The following VPS45 variants were observed in gnomAD, a reference collection of about 807,000 sequenced individuals.
The protein encoded by VPS45 is vacuolar protein sorting-associated protein 45.
In VPS45, 35 loss-of-function variants were observed where a neutral mutation model predicts 75.9. The ratio of observed to expected loss-of-function variants is 0.46; its 90% CI spans 0.35 to 0.61. VPS45 has a LOEUF of 0.61. Ranked by LOEUF, VPS45 falls within the 20% of genes least tolerant of loss-of-function variation. The probability of loss-of-function intolerance (pLI) is 0.00; values close to 1 mark genes in which losing one functional copy is unlikely to be tolerated. For missense variants in VPS45, 559 were observed against 685.9 expected, an observed-to-expected ratio of 0.81 and a Z score of 2.07; for synonymous variants, 220 against 238.2, an observed-to-expected ratio of 0.92 and a Z score of 0.70.
chr1:150,091,270 G>A (rs1656311036), intron 10 of VPS45, among the ~76,000 whole-genome samples: 1 of 152,160 alleles, frequency 6.6e-6, no homozygotes, highest in Non-Finnish European at 1.5e-5. Flanking sequence ...AAAAGTATTT[G>A]TTGACTTGAA....
intron 3 of VPS45, among the ~76,000 whole-genome samples, chr1:150,072,687 T>G (rs1041502277): frequency 1.3e-5 from 2 of 150,530 alleles, no homozygotes; most frequent in African/African-American, 4.9e-5. Flanking sequence ...TGACCAATAT[T>G]CTGTTTCAGA....
At chr1:150,120,094 G>A (rs936475998) in intron 14 of VPS45, among the ~76,000 whole-genome samples, 1 of 113,284 alleles carries the variant, frequency 8.8e-6, no homozygotes, top group Non-Finnish European at 1.8e-5. Context: ...GGCAACAAGA[G>A]TGAAACTCCA....
chr1:150,115,330 C>G (rs924543484), intron 14 of VPS45, among the ~76,000 whole-genome samples: 4 of 152,146 alleles, frequency 2.6e-5, no homozygotes, highest in Admixed American at 6.5e-5. Context: ...AATTTGTCTA[C>G]TAAGTCCACT....
chr1:150,124,711 G>A (rs951233278), intron 14 of VPS45, among the ~76,000 whole-genome samples: 1 of 72,938 alleles, frequency 1.4e-5, no homozygotes, highest in Non-Finnish European at 2.4e-5. Flanking sequence ...CATCACACCT[G>A]GCTAATTTTT....
At chr1:150,116,290 G>A (rs1464882983) in intron 14 of VPS45, among the ~76,000 whole-genome samples, 1 of 152,174 alleles carries the variant, frequency 6.6e-6, no homozygotes, top group South Asian at 2.1e-4. Flanking sequence ...TTTGAGCACA[G>A]AAGTGACATA....
intron 14 of VPS45, among the ~76,000 whole-genome samples, chr1:150,141,334 T>C (rs1164830604): frequency 2.0e-5 from 3 of 152,234 alleles, no homozygotes; most frequent in African/African-American, 7.2e-5. Flanking sequence ...GAAATTCACA[T>C]GTAATTTTTA....
Position 150,082,345 on chromosome 1 carries a change from A to G in VPS45, c.936+348A>G, listed in dbSNP as rs1655761239. 3.9e-5 allele frequency among the ~76,000 whole-genome samples: 6 copies of G among 152,126 alleles called. 1 individual carries two copies. In the South Asian group the frequency reaches 1.2e-3, roughly 32 times the overall value. On this transcript the variant is annotated intron_variant, in intron 9 of 14. Coordinates refer to ENST00000644510, the MANE Select transcript of VPS45 (RefSeq NM_007259.5). ...AACATGGTGAAACCCCGTCTCTACT[A>G]AAAATACAAAATTAGCCAGGTGTGG...
At chr1:150,088,723 C>G (rs1656162273) in intron 10 of VPS45, among the ~76,000 whole-genome samples, 1 of 152,036 alleles carries the variant, frequency 6.6e-6, no homozygotes, top group South Asian at 2.1e-4. Context: ...AAGCAGTCCA[C>G]CTGCATCGGC....
chr1:150,109,507 G>A (rs1437099018), intron 13 of VPS45: 2 of 152,080 alleles, frequency 1.3e-5, no homozygotes, highest in Non-Finnish European at 2.9e-5. Flanking sequence ...TGTAGGGTTG[G>A]GGTTTTTTTC....
chr1:150,093,138 G>A (rs587599208), intron 12 of VPS45, among the ~76,000 whole-genome samples: 1 of 152,076 alleles, frequency 6.6e-6, no homozygotes, highest in South Asian at 2.1e-4. Context: ...GAGCCACCGC[G>A]CCCGGCAGCC....
At chr1:150,098,917 C>T in intron 13 of VPS45, 2 of 1,235,472 alleles carry the variant, frequency 1.6e-6, no homozygotes, top group Non-Finnish European at 2.1e-6. Context: ...GCTATATGAT[C>T]ATGCATTCCA....
chr1:150,095,195 A>T (rs2101573600), intron 13 of VPS45, among the ~76,000 whole-genome samples: 2 of 152,360 alleles, frequency 1.3e-5, no homozygotes, highest in East Asian at 3.9e-4. Context: ...TATAATTTTA[A>T]TAAGTGCTAT....
chr1:150,112,443 A>G (rs1657695761), intron 14 of VPS45, among the ~76,000 whole-genome samples: 5 of 152,210 alleles, frequency 3.3e-5, no homozygotes, highest in Admixed American at 2.6e-4. Context: ...TGATATCTTT[A>G]CAGTCTATCA....
At position 150,145,077 on chromosome 1, in the gene VPS45, G is replaced by A. The variant is rs1166265309; in HGVS notation, c.*281G>A. On this transcript the variant is annotated 3_prime_UTR_variant, in exon 15 of 15. Transcript: ENST00000644510. Reference sequence around the variant, plus strand: ...TGAATTTTGTTGGGATCTGACTTGGGGAAAGGGTTATCAGAGCCTAGAGGG... The same window carrying A: ...TGAATTTTGTTGGGATCTGACTTGGAGAAAGGGTTATCAGAGCCTAGAGGG... 9.4e-6 allele frequency: 7 copies of A among 746,292 alleles called. No individual in the cohort carries two copies. Among genetic ancestry groups the A allele is most frequent in the Admixed American group, 5.6e-5 (2 of 35,998 alleles). The allele number at this position is 746,292 out of a possible 1,614,324, so 46.2% of individuals were successfully genotyped here.
intron 14 of VPS45, among the ~76,000 whole-genome samples, chr1:150,125,402 C>T (rs1197401490): frequency 6.7e-6 from 1 of 149,896 alleles, no homozygotes; most frequent in Non-Finnish European, 1.5e-5. Context: ...TACATGTGCA[C>T]AATGTGCAGG....
In VPS45 at chr1:150,110,576, C is replaced by G; in HGVS notation, c.1574C>G (p.Thr525Ser). Residue 525 changes from threonine (T) to serine (S), a missense_variant, in exon 14 of 15, where the codon ACT becomes AGT. Coordinates refer to ENST00000644510, the MANE Select transcript of VPS45 (RefSeq NM_007259.5). Reference sequence around the variant, plus strand: ...ACAGTTTATAACCTGAACCGCACCACTCCTGGAGTGAGGATTGTCCTGGGA... The same window carrying G: ...ACAGTTTATAACCTGAACCGCACCAGTCCTGGAGTGAGGATTGTCCTGGGA... ...ALTVYNLNRT[T>S]PGVRIVLGGT... The G allele has an allele frequency of 6.2e-7, 1 of 1,613,848 alleles. No individual in the cohort carries two copies. Among genetic ancestry groups the G allele is most frequent in the Non-Finnish European group, 8.5e-7 (1 of 1,179,868 alleles).
intron 9 of VPS45, 146 bp downstream of exon 9, chr1:150,082,143 A>ATAT: frequency 1.7e-6 from 1 of 597,044 alleles, no homozygotes; most frequent in Non-Finnish European, 3.0e-6. Context: ...GTCTTTAAAC[A>ATAT]ATATAGTGAA....
intron 14 of VPS45, among the ~76,000 whole-genome samples, chr1:150,139,904 G>A (rs1260220741): frequency 6.6e-6 from 1 of 151,578 alleles, no homozygotes. Flanking sequence ...TGTTGTTGTT[G>A]TTGTTTTGAG....
intron 13 of VPS45, among the ~76,000 whole-genome samples, chr1:150,093,922 G>T (rs959561808): frequency 2.0e-5 from 3 of 152,152 alleles, no homozygotes; most frequent in Non-Finnish European, 4.4e-5. Context: ...GCCATTTAAG[G>T]TTCTGTTCGA....
Sources: allele counts gnomAD v4.1 joint callset (sites outside exome capture counted in the v4.1 genomes callset), GRCh38; gene constraint gnomAD v4.1.1; transcripts MANE v1.5; gene names NCBI Gene and HGNC (gene_info 2026-07-23, HGNC 2026-07-21).